Variants in CBFA2T2 observed in about 807,000 individuals in gnomAD.
CBFA2T2 encodes the protein protein CBFA2T2.
Under a neutral mutation model 62.2 loss-of-function variants are expected in CBFA2T2, and 11 were observed. The observed-to-expected ratio is 0.18, with a 90% CI of 0.11 to 0.29. The LOEUF is 0.29. Ranked by LOEUF, CBFA2T2 falls within the 10% of genes least tolerant of loss-of-function variation. The probability of loss-of-function intolerance (pLI) is 1.00; values close to 1 mark genes in which losing one functional copy is unlikely to be tolerated. For missense variants in CBFA2T2, 592 were observed against 774.1 expected, an observed-to-expected ratio of 0.76 and a Z score of 2.79; for synonymous variants, 295 against 287.5, an observed-to-expected ratio of 1.03 and a Z score of -0.27.
At chr20:33,603,465 A>AATAT (rs1318017580) in intron 1 of CBFA2T2, among the ~76,000 whole-genome samples, 1 of 152,216 alleles carries the variant, frequency 6.6e-6, no homozygotes, top group East Asian at 1.9e-4. Flanking sequence ...TTTATTTTTT[A>AATAT]ATATATACAT....
intron 1 of CBFA2T2, among the ~76,000 whole-genome samples, chr20:33,539,203 C>G (rs374177291): frequency 1.3e-5 from 2 of 152,166 alleles, no homozygotes; most frequent in Middle Eastern, 3.2e-3. Flanking sequence ...GTTTGCTTAT[C>G]TGTAGGAAGA....
chr20:33,632,671 A>G (rs1180484221), intron 8 of CBFA2T2, among the ~76,000 whole-genome samples: 1 of 150,992 alleles, frequency 6.6e-6, no homozygotes, highest in South Asian at 2.1e-4. Context: ...CTGGTCTTCA[A>G]TTCCTAACCT....
chr20:33,560,868 T>G lies in CBFA2T2; in HGVS notation c.35-46088T>G, dbSNP rs114716546. ...GACCCCCGCCTTCCCCTGGCCATCTTTTTTTGCTTTTGCTTTTGCTTTTTT... is the reference window on the plus strand; with the variant it reads ...GACCCCCGCCTTCCCCTGGCCATCTGTTTTTGCTTTTGCTTTTGCTTTTTT... On this transcript the variant is annotated intron_variant, in intron 1 of 10. Coordinates refer to ENST00000342704, the MANE Select transcript of CBFA2T2 (RefSeq NM_001032999.3). Among the ~76,000 whole-genome samples, 991 of 152,184 alleles carry G rather than the reference T, an allele frequency of 6.5e-3. 5 individuals carry two copies. The highest frequency in any genetic ancestry group is 0.023 in the African/African-American group (938 of 41,510).
intron 1 of CBFA2T2, among the ~76,000 whole-genome samples, chr20:33,492,173 C>T (rs185624012): frequency 4.6e-5 from 7 of 151,850 alleles, no homozygotes; most frequent in African/African-American, 1.7e-4. Context: ...TGAGCCACTG[C>T]GCCCGGCCTT....
chr20:33,491,201 C>T (rs538558306), intron 1 of CBFA2T2, among the ~76,000 whole-genome samples: 2 of 152,188 alleles, frequency 1.3e-5, no homozygotes, highest in East Asian at 3.9e-4. Flanking sequence ...TTTTTTTGAG[C>T]ACCAGACATT....
chr20:33,494,114 A>C (rs1279848982), intron 1 of CBFA2T2, among the ~76,000 whole-genome samples: 2 of 150,550 alleles, frequency 1.3e-5, no homozygotes, highest in African/African-American at 4.9e-5. Context: ...CTCCTGACCT[A>C]AAGTGATCCA....
chr20:33,587,733 A>T (rs1273808405), intron 1 of CBFA2T2, among the ~76,000 whole-genome samples: 1 of 152,194 alleles, frequency 6.6e-6, no homozygotes, highest in Non-Finnish European at 1.5e-5. Flanking sequence ...TCTTAACTGG[A>T]CCTATGTGGA....
intron 1 of CBFA2T2, chr20:33,574,220 T>A (rs763373201): frequency 6.2e-7 from 1 of 1,613,666 alleles, no homozygotes; most frequent in Non-Finnish European, 8.5e-7. Context: ...GAATCTGGAA[T>A]AAGCTTGAAA....
At chr20:33,494,232 CATATATATGTGTATATATATAT>C (rs1402262762) in intron 1 of CBFA2T2, among the ~76,000 whole-genome samples, 5 of 60,024 alleles carry the variant, frequency 8.3e-5, no homozygotes, top group African/African-American at 2.9e-4. Flanking sequence ...ATGTATTAGG[CATATATATGTGTATATATATAT>C]ATATATATAT....
chr20:33,535,623 CTT>C (rs921017430), intron 1 of CBFA2T2, among the ~76,000 whole-genome samples: 4 of 117,478 alleles, frequency 3.4e-5, no homozygotes, highest in Admixed American at 1.0e-4. Flanking sequence ...TTTATTTTTT[CTT>C]TTTTTTTTTG....
rs535705088 is a variant in CBFA2T2 at position 33,521,499 on chromosome 20, A to G, written c.34+31198A>G. On this transcript the variant is annotated intron_variant, in intron 1 of 10. Transcript: ENST00000342704. ...ATATTTTAGCATCCTATAGTTTAAA[A>G]TGGTGTTTGTTTTAATCTGGGTGAT... Among the ~76,000 whole-genome samples, 14 of 152,306 alleles carry G rather than the reference A, an allele frequency of 9.2e-5. No individual in the cohort carries two copies. The East Asian group carries it at 2.5e-3, about 27-fold the overall frequency.
rs746518153 is a variant in CBFA2T2, at chr20:33,490,302, G to GTTT, written c.34+2_34+3insTTT. On this transcript the variant is annotated splice_donor_variant, in intron 1 of 10. Transcript: ENST00000342704. LOFTEE classifies it high-confidence loss of function. ...GTCCCTGGAGCGGCCGCCTTCCAGC[G>GTTT]TAAGTGGGGCGTGAATGCGGGCGGC... is the stretch of plus-strand genomic sequence containing the variant. 1.6e-6 allele frequency: 2 copies of GTTT among 1,281,510 alleles called. No individual in the cohort carries two copies. Among genetic ancestry groups the GTTT allele is most frequent in the African/African-American group, 1.5e-5 (1 of 65,548 alleles). 79.4% of individuals were successfully genotyped at this position (1,281,510 alleles called of 1,614,324 possible).
At chr20:33,536,864 G>A (rs545503755) in intron 1 of CBFA2T2, among the ~76,000 whole-genome samples, 94 of 151,340 alleles carry the variant, frequency 6.2e-4, no homozygotes, top group Middle Eastern at 3.4e-3. Flanking sequence ...GCTGGGCAGA[G>A]ACGCTCCTCA....
At position 33,623,315 on chromosome 20, in the gene CBFA2T2, C is replaced by T; in HGVS notation, c.692+19C>T. 6.2e-7 allele frequency: 1 copy of T among 1,613,566 alleles called. No individual in the cohort carries two copies. The highest frequency in any genetic ancestry group is 8.5e-7 in the Non-Finnish European group (1 of 1,179,562). On this transcript the variant is annotated intron_variant, in intron 5 of 10. Transcript: ENST00000342704. ...CAGAGAGGTGAGCAGATGAGCTTTG[C>T]TGTCCTTGCCTTCCTGGAACCGCAC...
intron 1 of CBFA2T2, among the ~76,000 whole-genome samples, chr20:33,585,677 T>C (rs1310365151): frequency 6.6e-6 from 1 of 152,250 alleles, no homozygotes; most frequent in Non-Finnish European, 1.5e-5. Context: ...ACTAATTGAA[T>C]GTTGGTACCT....
intron 1 of CBFA2T2, among the ~76,000 whole-genome samples, chr20:33,579,817 CT>C (rs11475822): frequency 0.53 from 73,301 of 138,214 alleles, 19,164 homozygotes; most frequent in East Asian, 0.73. Context: ...CTCTCTCTCT[CT>C]TTTTTTTTTT....
intron 1 of CBFA2T2, among the ~76,000 whole-genome samples, chr20:33,494,243 G>GTGTATATA (rs1491431819): frequency 3.3e-5 from 1 of 30,318 alleles, no homozygotes; most frequent in African/African-American, 1.1e-4. Context: ...ATATATATGT[G>GTGTATATA]TATATATATA....
chr20:33,593,363 T>G (rs1479554744), intron 1 of CBFA2T2, among the ~76,000 whole-genome samples: 1 of 148,260 alleles, frequency 6.7e-6, no homozygotes, highest in African/African-American at 2.5e-5. Context: ...TATTACATAA[T>G]AAACTGATTT....
intron 3 of CBFA2T2, among the ~76,000 whole-genome samples, chr20:33,613,302 C>T (rs2015592954): frequency 6.6e-6 from 1 of 152,164 alleles, no homozygotes; most frequent in Admixed American, 6.5e-5. Context: ...GTTTTGGGGT[C>T]TCCAGCATCT....
Sources: allele counts gnomAD v4.1 joint callset (sites outside exome capture counted in the v4.1 genomes callset), GRCh38; gene constraint gnomAD v4.1.1; transcripts MANE v1.5; gene names NCBI Gene and HGNC (gene_info 2026-07-23, HGNC 2026-07-21).